Variants in LRP4 observed in about 807,000 individuals in gnomAD.
The protein encoded by LRP4 is LDL receptor related protein 4.
LRP4 carries 95 observed loss-of-function variants against 220.3 expected under a neutral mutation model. That is an observed-to-expected ratio of 0.43 (90% CI 0.37 to 0.51). The LOEUF (loss-of-function observed/expected upper bound fraction) is 0.51, where lower values mean the gene tolerates loss of function less well. Among genes scored for constraint, LRP4 ranks in the 20% least tolerant of loss-of-function variants. The pLI is 0.00. For missense variants in LRP4, 1,925 were observed against 2,567.0 expected, an observed-to-expected ratio of 0.75 and a Z score of 5.40; for synonymous variants, 903 against 954.6, an observed-to-expected ratio of 0.95 and a Z score of 1.00.
Position 46,899,279 on chromosome 11 carries a change from C to T in LRP4, c.547+108G>A, listed in dbSNP as rs1334077439. On this transcript the variant is annotated intron_variant, in intron 5 of 37. Transcript: ENST00000378623. This position sits in a 1 kb window ranked among gnomAD's most constrained non-coding sequence, Gnocchi z 5.9. ...CTAGGAGGAGCTGCTGCTGAGGCAC[C>T]CATGCTCCTTGCCCTTGGTACATGC... 7 of 992,286 alleles carry T rather than the reference C, an allele frequency of 7.1e-6. No homozygotes were observed. The highest frequency in any genetic ancestry group is 1.1e-5 in the Non-Finnish European group (7 of 620,602). The allele number at this position is 992,286 out of a possible 1,614,324, so 61.5% of individuals were successfully genotyped here. A position where few individuals can be genotyped will look rare whatever the true frequency, so the allele number is the denominator to read the frequency against.
At chr11:46,889,800 G>C in intron 15 of LRP4, 144 bp downstream of exon 15, 4 of 938,072 alleles carry the variant, frequency 4.3e-6, no homozygotes, top group Non-Finnish European at 6.7e-6. Context: ...TCCAGCAGAG[G>C]GAGGAATTAG....
At chr11:46,872,411 C>A (rs931162264) in intron 30 of LRP4, among the ~76,000 whole-genome samples, 1 of 152,164 alleles carries the variant, frequency 6.6e-6, no homozygotes, top group African/African-American at 2.4e-5. Flanking sequence ...CCCCTTCCCC[C>A]TGCCCTTAGC....
At chr11:46,885,989 A>G in intron 18 of LRP4, 102 bp downstream of exon 18, 1 of 983,288 alleles carries the variant, frequency 1.0e-6, no homozygotes. Flanking sequence ...GTGAAGACAG[A>G]AGTGGTCCAG....
Position 46,874,955 on chromosome 11 carries a change from G to A in LRP4, c.4074C>T (p.Phe1358=). The A allele has an allele frequency of 6.2e-7, 1 of 1,614,238 alleles. No homozygotes were observed. Among genetic ancestry groups the A allele is most frequent in the Non-Finnish European group, 8.5e-7 (1 of 1,180,050 alleles). Residue 1358 remains phenylalanine (F), a synonymous_variant, in exon 28 of 38, where the codon TTC becomes TTT. Transcript: ENST00000378623. ...TACGCCGGATGGAGCCACGGCTGGAGAAGAGCAGGTAGGTCTCAGGAGAGG... is the reference window on the plus strand; with the variant it reads ...TACGCCGGATGGAGCCACGGCTGGAAAAGAGCAGGTAGGTCTCAGGAGAGG... ...CDPSPETYLL[F]SSRGSIRRIS... is the part of the protein sequence containing the mutation.
chr11:46,877,475 T>C (rs1307272230), intron 22 of LRP4, 136 bp from the exon 23 acceptor site: 7 of 966,166 alleles, frequency 7.2e-6, no homozygotes, highest in Non-Finnish European at 9.5e-6. Flanking sequence ...TTTAAATTAT[T>C]ATTATTTTTT....
At position 46,877,069 on chromosome 11, in the gene LRP4, G is replaced by C. The variant is rs553928691; in HGVS notation, c.3277+130C>G. 6.3e-6 allele frequency: 7 copies of C among 1,103,362 alleles called. No individual in the cohort carries two copies. In the Admixed American group the frequency reaches 6.8e-5, roughly 11 times the overall value. The allele number at this position is 1,103,362 out of a possible 1,614,324, so 68.3% of individuals were successfully genotyped here. ...GAGTGCTAGAGAGACAGGGACAGGG[G>C]CTATGCCAGAGGGAATGGGGAACAA... is the stretch of plus-strand genomic sequence containing the variant. On this transcript the variant is annotated intron_variant, in intron 23 of 37. Coordinates refer to ENST00000378623, the MANE Select transcript of LRP4 (RefSeq NM_002334.4).
chr11:46,879,003 T>C lies in LRP4; in HGVS notation c.3040A>G (p.Ser1014Gly). 2.5e-6 allele frequency: 4 copies of C among 1,614,234 alleles called. No individual in the cohort carries two copies. The South Asian group carries it at 4.4e-5, about 18-fold the overall frequency. The change falls in exon 22 of 38, where the codon AGC becomes GGC. Residue 1014 changes from serine to glycine, a missense_variant. By Grantham distance (56) the Ser-to-Gly change is moderately conservative. Coordinates refer to ENST00000378623, the MANE Select transcript of LRP4 (RefSeq NM_002334.4). The stretch of plus-strand genomic sequence containing the variant: ...TTTGGGGACCTAAGACACAGGTGGC[T>C]ACAGCCGCCATTCTCCATAGCACAT... ...TPCAMENGGCSHLCLRSPNPS... is the reference protein window; with the variant it reads ...TPCAMENGGCGHLCLRSPNPS...
Position 46,859,319 on chromosome 11 carries a change from GGGTGGAGAGTGGGCAGATAT to G in LRP4, c.5386-24_5386-5del. On this transcript the variant is annotated splice_polypyrimidine_tract_variant and splice_region_variant and intron_variant, in intron 37 of 37. Coordinates refer to ENST00000378623, the MANE Select transcript of LRP4 (RefSeq NM_002334.4). ...TGTAGTTATGGTCAGGCCCTCCCTA[GGGTGGAGAGTGGGCAGATAT>G]GGTCAGTCAGTTGGCCTTCTACAAA... 1 of 1,610,568 alleles carries G rather than the reference GGGTGGAGAGTGGGCAGATAT, an allele frequency of 6.2e-7. No individual in the cohort carries two copies. Among genetic ancestry groups the G allele is most frequent in the East Asian group, 2.2e-5 (1 of 44,846 alleles).
chr11:46,888,959 T>C (rs1296036999), intron 16 of LRP4, among the ~76,000 whole-genome samples: 2 of 152,184 alleles, frequency 1.3e-5, no homozygotes, highest in African/African-American at 4.8e-5. Context: ...CTTCCACTTG[T>C]TTAACACATA....
chr11:46,893,520 C>T (rs1327369149), intron 12 of LRP4, among the ~76,000 whole-genome samples: 2 of 152,188 alleles, frequency 1.3e-5, no homozygotes, highest in Non-Finnish European at 2.9e-5. Context: ...GTCCAATGTG[C>T]TTGATACCAA....
rs1941456630 is a variant in LRP4, at chr11:46,893,066, A to G, written c.1604T>C (p.Ile535Thr). 1 of 1,613,974 alleles carries G rather than the reference A, an allele frequency of 6.2e-7. No individual in the cohort carries two copies. Among genetic ancestry groups the G allele is most frequent in the African/African-American group, 1.3e-5 (1 of 74,908 alleles). The part of the protein sequence containing the change: ...LYWTDSGTSR[I>T]EVANLDGAHR... ...GGCCCCATCCAGATTGGCCACCTCA[A>G]TCCTCGAGGTGCCTGAGTCGGTCCA... Residue 535 changes from isoleucine to threonine, a missense_variant, in exon 13 of 38, where the codon ATT becomes ACT. By Grantham distance (89) the Ile-to-Thr change is moderately conservative. Around this residue, in one of 3 missense-constraint regions of LRP4, gnomAD observed 269 missense variants for 436.7 expected, o/e 0.62. Transcript: ENST00000378623.
rs549056413 is a variant in LRP4, at chr11:46,896,416, A to G, written c.923-81T>C. On this transcript the variant is annotated intron_variant, in intron 8 of 37. Transcript: ENST00000378623. The stretch of plus-strand genomic sequence containing the variant: ...TGGGAGCCTGTCATTTTCTAGGGTA[A>G]GCTGGAGACAGATGAGACTCAAGGT... The G allele has an allele frequency of 1.1e-5, 18 of 1,566,078 alleles. No homozygotes were observed. The Admixed American group carries it at 1.7e-4, about 15-fold the overall frequency.
At position 46,918,148 on chromosome 11, in the gene LRP4, C is replaced by T. The variant is rs1477139094; in HGVS notation, c.52+180G>A. Reference sequence around the variant, plus strand: ...CGCGGAAGCGCCTCCGCTGATGCCCCCGCTCGGACTGCTGGAGCCGGGGCC... The same window carrying T: ...CGCGGAAGCGCCTCCGCTGATGCCCTCGCTCGGACTGCTGGAGCCGGGGCC... On this transcript the variant is annotated intron_variant, in intron 1 of 37. Transcript: ENST00000378623. This position sits in a 1 kb window ranked among gnomAD's most constrained non-coding sequence, Gnocchi z 6.0. 1.3e-5 allele frequency among the ~76,000 whole-genome samples: 2 copies of T among 151,998 alleles called. No homozygotes were observed. The highest frequency in any genetic ancestry group is 2.9e-5 in the Non-Finnish European group (2 of 67,968).
In LRP4 at chr11:46,881,058, CAAAAAAAAAAAAAA is replaced by C. The variant is rs60125188; in HGVS notation, c.2814+630_2814+643del. Reference sequence around the variant, plus strand: ...CAGCATGACCCTGCCTCTAAAAAACCAAAAAAAAAAAAAAAAAAAAAAAAAAAGACAGTAATATT... The same window carrying C: ...CAGCATGACCCTGCCTCTAAAAAACCAAAAAAAAAAAAAGACAGTAATATT... On this transcript the variant is annotated intron_variant, in intron 20 of 37. Transcript: ENST00000378623. Among the ~76,000 whole-genome samples the C allele has an allele frequency of 1.8e-4, 10 of 56,110 alleles. 1 individual carries two copies. In the South Asian group the frequency reaches 5.9e-3, roughly 33 times the overall value. The allele number at this position is 56,110 out of a possible 152,430, so 36.8% of individuals were successfully genotyped here. A position where few individuals can be genotyped will look rare whatever the true frequency, so the allele number is the denominator to read the frequency against.
chr11:46,884,329 C>T (rs139916743), intron 18 of LRP4, among the ~76,000 whole-genome samples: 6,702 of 152,216 alleles, frequency 0.044, 504 homozygotes, highest in African/African-American at 0.15. Context: ...TTCAGCCGGG[C>T]GTGGTGGCTC....
At chr11:46,917,272 C>A (rs1157477362) in intron 1 of LRP4, among the ~76,000 whole-genome samples, 1 of 152,248 alleles carries the variant, frequency 6.6e-6, no homozygotes, top group Admixed American at 6.5e-5. Flanking sequence ...CAGCTCCCTT[C>A]ATCGGGGCTG....
Position 46,883,860 on chromosome 11 carries a change from C to A in LRP4, c.2612+11G>T, listed in dbSNP as rs1400886818. 6.2e-7 allele frequency: 1 copy of A among 1,607,002 alleles called. No individual in the cohort carries two copies. On this transcript the variant is annotated intron_variant, in intron 19 of 37. Transcript: ENST00000378623. ...GTGGATGGAGCTCATTCCCAAGGGG[C>A]AGCCACTCACCCGCCCATGGGTTCC...
rs140813697 is a variant in LRP4, at chr11:46,881,864, A to C, written c.2652T>G (p.Ile884Met). 1.2e-6 allele frequency: 2 copies of C among 1,614,176 alleles called. No homozygotes were observed. ...CTGAGGCATCCATGCCAGCTCGTTC[A>C]ATCTTGGGGCTCGCACCCCAGTCAG... ...YWTDWGASPK[I>M]ERAGMDASGR... Residue 884 changes from isoleucine to methionine, a missense_variant, in exon 20 of 38, where the codon ATT (isoleucine) becomes ATG (methionine). Physicochemically the swap from Ile to Met is conservative, Grantham distance 10. Around this residue, in one of 3 missense-constraint regions of LRP4, gnomAD observed 1,244 missense variants for 1,624.9 expected, o/e 0.77. Transcript: ENST00000378623.
At chr11:46,901,016 G>A (rs917777935) in intron 2 of LRP4, among the ~76,000 whole-genome samples, 6 of 151,974 alleles carry the variant, frequency 3.9e-5, no homozygotes, top group Non-Finnish European at 7.4e-5. Context: ...GGCCAGTCTC[G>A]AACTCCTGGC....
Sources: allele counts gnomAD v4.1 joint callset (sites outside exome capture counted in the v4.1 genomes callset), GRCh38; gene constraint gnomAD v4.1.1; regional missense constraint gnomAD v4.1.1; non-coding constraint Gnocchi (gnomAD v3.1); transcripts MANE v1.5; gene names NCBI Gene and HGNC (gene_info 2026-07-23, HGNC 2026-07-21).